The following EPS8L1 variants were observed in gnomAD, a reference collection of about 807,000 sequenced individuals.
EPS8L1 encodes EPS8 signaling adaptor L1, also known as epidermal growth factor receptor kinase substrate 8-like protein 1.
Under a neutral mutation model 91.7 loss-of-function variants are expected in EPS8L1, and 101 were observed. The observed-to-expected ratio is 1.10, with a 90% confidence interval of 0.94 to 1.30. The LOEUF (loss-of-function observed/expected upper bound fraction) is 1.30, where lower values mean the gene tolerates loss of function less well. EPS8L1 is among the 50% of genes most tolerant of loss of function. EPS8L1 has a pLI of 0.00. For synonymous variants in EPS8L1, 506 were observed against 445.3 expected (o/e 1.14, Z -1.72); for missense variants, 1,114 against 1,017.0 (o/e 1.10, Z -1.30).
At chr19:55,086,635 G>GCCCCC in intron 17 of EPS8L1, 79 bp from the exon 18 acceptor site, 19 of 1,307,686 alleles carry the variant, frequency 1.5e-5, no homozygotes, top group East Asian at 2.5e-5. Context: ...ACGCTGGAGC[G>GCCCCC]CCCCCCCGCC....
Position 55,087,602 on chromosome 19 carries a change from G to T in EPS8L1, c.2160G>T (p.Met720Ile). ...QKKKVEGEVE[M>I]EVI is the part of the protein sequence containing the mutation. ...AGAAGGTGGAAGGCGAGGTGGAAATGGAGGTCATTTGACCTGCCAGGCGCC... is the reference window on the plus strand; with the variant it reads ...AGAAGGTGGAAGGCGAGGTGGAAATTGAGGTCATTTGACCTGCCAGGCGCC... Residue 720 changes from methionine (M) to isoleucine (I), a missense_variant, in exon 20 of 20, where the codon ATG becomes ATT. Coordinates refer to ENST00000201647, the MANE Select transcript of EPS8L1 (RefSeq NM_133180.3). The T allele has an allele frequency of 6.2e-7, 1 of 1,614,214 alleles. No individual in the cohort carries two copies. The highest frequency in any genetic ancestry group is 8.5e-7 in the Non-Finnish European group (1 of 1,180,040).
At chr19:55,087,149 T>A in intron 18 of EPS8L1, 154 bp from the exon 19 acceptor site, 1 of 1,234,080 alleles carries the variant, frequency 8.1e-7, no homozygotes, top group Non-Finnish European at 1.1e-6. Flanking sequence ...GGCAACATTG[T>A]GATTGGTGGG....
chr19:55,076,570 C>T, intron 2 of EPS8L1, 109 bp downstream of exon 2: 3 of 1,330,294 alleles, frequency 2.3e-6, no homozygotes, highest in South Asian at 2.7e-5. Flanking sequence ...GCGGCCCAGA[C>T]TCTGGCCCAA....
In EPS8L1 at chr19:55,086,436, T is replaced by A; in HGVS notation, c.1695T>A (p.Pro565=). 1 of 1,555,558 alleles carries A rather than the reference T, an allele frequency of 6.4e-7. No individual in the cohort carries two copies. The highest frequency in any genetic ancestry group is 8.7e-7 in the Non-Finnish European group (1 of 1,148,798). Reference sequence around the variant, plus strand: ...CACCAGCCCCAGCCCCGGCCCCACCTCCAGCTCTGGCTCGGCCCCGCTGGG... The same window carrying A: ...CACCAGCCCCAGCCCCGGCCCCACCACCAGCTCTGGCTCGGCCCCGCTGGG... ...PPPPAPAPAP[P]PALARPRWDR... is the part of the protein sequence containing the mutation. The change falls in exon 17 of 20, where the codon CCT becomes CCA. Residue 565 remains proline, a synonymous_variant. Coordinates refer to ENST00000201647, the MANE Select transcript of EPS8L1 (RefSeq NM_133180.3).
In EPS8L1 at chr19:55,080,777, G is replaced by A; in HGVS notation, c.435G>A (p.Glu145=). ...CCTGACGGTGTGATTGGCAGGCGGA[G>A]CTGATCCGAGAGGACATCCAGGGGG... ...HFFQGLRLGA[E]LIREDIQGAL... is the part of the protein sequence containing the mutation. The change falls in exon 7 of 20, where the codon GAG becomes GAA. Residue 145 remains glutamate, a synonymous_variant. Coordinates refer to ENST00000201647, the MANE Select transcript of EPS8L1 (RefSeq NM_133180.3). 6.2e-7 allele frequency: 1 copy of A among 1,607,780 alleles called. No individual in the cohort carries two copies. The highest frequency in any genetic ancestry group is 1.7e-4 in the Middle Eastern group (1 of 6,038).
At chr19:55,077,968 T>C (rs2076164871) in intron 2 of EPS8L1, 120 bp from the exon 3 acceptor site, 3 of 449,954 alleles carry the variant, frequency 6.7e-6, no homozygotes, top group Non-Finnish European at 1.2e-5. Flanking sequence ...ATAATAATAA[T>C]AATAACCCTT....
intron 7 of EPS8L1, 84 bp downstream of exon 7, chr19:55,080,938 A>G (rs573124118): frequency 1.5e-6 from 2 of 1,316,360 alleles, no homozygotes; most frequent in South Asian, 2.9e-5. Context: ...CCTGGAACAG[A>G]ACAAGAGTTT....
At position 55,085,944 on chromosome 19, in the gene EPS8L1, C is replaced by T. The variant is rs747894870; in HGVS notation, c.1489C>T (p.Leu497=). 1.9e-6 allele frequency: 3 copies of T among 1,613,462 alleles called. No homozygotes were observed. Among genetic ancestry groups the T allele is most frequent in the South Asian group, 2.2e-5 (2 of 91,066 alleles). Residue 497 remains leucine, a synonymous_variant, in exon 15 of 20, where the codon CTG becomes TTG. Coordinates refer to ENST00000201647, the MANE Select transcript of EPS8L1 (RefSeq NM_133180.3). ...CTTCCAGGCCCGCAACAGCAGTGAG[C>T]TGTCGGTCAAGCAGCGGGACGTACT... ...YDFQARNSSE[L]SVKQRDVLEV...
Position 55,085,973 on chromosome 19 carries a change from G to A in EPS8L1, c.1518G>A (p.Glu506=). The stretch of plus-strand genomic sequence containing the variant: ...CGGTCAAGCAGCGGGACGTACTGGA[G>A]GTTAGAGGAGCGGGAGGCTGAGGGG... ...ELSVKQRDVL[E]VLDDSRKWWK... The change falls in exon 15 of 20, where the codon GAG becomes GAA. Residue 506 remains glutamate (E), a splice_region_variant and synonymous_variant. Coordinates refer to ENST00000201647, the MANE Select transcript of EPS8L1 (RefSeq NM_133180.3). The A allele has an allele frequency of 1.2e-6, 2 of 1,611,420 alleles. No individual in the cohort carries two copies. The highest frequency in any genetic ancestry group is 1.7e-6 in the Non-Finnish European group (2 of 1,177,702).
chr19:55,079,591 T>C, intron 4 of EPS8L1, 99 bp from the exon 5 acceptor site: 1 of 1,378,424 alleles, frequency 7.3e-7, no homozygotes. Flanking sequence ...CTGGAGGAGG[T>C]GTGGTTAGTC....
intron 2 of EPS8L1, 55 bp from the exon 3 acceptor site, chr19:55,078,033 C>A (rs2076166667): frequency 6.3e-7 from 1 of 1,586,618 alleles, no homozygotes; most frequent in South Asian, 1.1e-5. Flanking sequence ...CTTGGCATTT[C>A]CACAGGATCT....
Position 55,082,258 on chromosome 19 carries a change from C to T in EPS8L1, c.991-17C>T. 2 of 1,608,790 alleles carry T rather than the reference C, an allele frequency of 1.2e-6. No homozygotes were observed. The highest frequency in any genetic ancestry group is 1.7e-6 in the Non-Finnish European group (2 of 1,177,956). On this transcript the variant is annotated splice_polypyrimidine_tract_variant and intron_variant, in intron 10 of 19. Coordinates refer to ENST00000201647, the MANE Select transcript of EPS8L1 (RefSeq NM_133180.3). ...GTCCCCGCACCCACGCCAACCACCT[C>T]CCTCCCCACGCCCCAGGCCCGGCTG...
chr19:55,086,962 G>A (rs749810675), intron 18 of EPS8L1, 74 bp downstream of exon 18: 3 of 1,397,348 alleles, frequency 2.1e-6, no homozygotes, highest in Non-Finnish European at 2.8e-6. Context: ...TCGGCCGGGA[G>A]TCGGGGGGCG....
intron 6 of EPS8L1, 43 bp from the exon 7 acceptor site, chr19:55,080,729 G>A: frequency 6.3e-7 from 1 of 1,598,934 alleles, no homozygotes; most frequent in South Asian, 1.1e-5. Context: ...GGTAGGAAGT[G>A]GGTGCGGCGT....
At chr19:55,076,543 A>C in intron 2 of EPS8L1, 82 bp downstream of exon 2, 1 of 1,513,476 alleles carries the variant, frequency 6.6e-7, no homozygotes, top group South Asian at 1.2e-5. Flanking sequence ...CGCTTGCGGC[A>C]GCCCAGACTG....
At position 55,081,302 on chromosome 19, in the gene EPS8L1, C is replaced by A; in HGVS notation, c.584C>A (p.Ser195Ter). 6.5e-7 allele frequency: 1 copy of A among 1,547,708 alleles called. No homozygotes were observed. Among genetic ancestry groups the A allele is most frequent in the Non-Finnish European group, 8.7e-7 (1 of 1,153,320 alleles). Residue 195 changes from serine to a stop codon, truncating the protein, a stop_gained, in exon 8 of 20, where the codon TCA becomes TAA. Transcript: ENST00000201647. LOFTEE classifies it high-confidence loss of function. This position sits in a 1 kb window ranked among gnomAD's most constrained non-coding sequence, Gnocchi z 4.9. ...AETPPLQRRP[S>*]VRAVISTVER... ...ACCCCGCCCCTGCAGCGCCGCCCGT[C>A]AGTCCGCGCAGTGATCAGCACCGTA...
intron 2 of EPS8L1, among the ~76,000 whole-genome samples, chr19:55,076,842 A>G (rs2076143558): frequency 1.3e-5 from 2 of 152,228 alleles, no homozygotes; most frequent in African/African-American, 4.8e-5. Flanking sequence ...AACTCATAGG[A>G]GTCGCTATTG....
intron 5 of EPS8L1, 27 bp from the exon 6 acceptor site, chr19:55,080,102 A>T (rs2076221477): frequency 6.8e-7 from 1 of 1,471,186 alleles, no homozygotes; most frequent in South Asian, 1.4e-5. Context: ...TCGGGGCCTC[A>T]GTTTACCCCG....
Position 55,083,994 on chromosome 19 carries a change from C to G in EPS8L1, c.1385+350C>G. 1.8e-6 allele frequency: 1 copy of G among 549,012 alleles called. No homozygotes were observed. Among genetic ancestry groups the G allele is most frequent in the Non-Finnish European group, 3.3e-6 (1 of 305,496 alleles). 34.0% of individuals were successfully genotyped at this position (549,012 alleles called of 1,614,324 possible). ...TTGTTTTCCCAGGGCCTGGGAAGCA[C>G]CATGCCTGGGCTCCCTAGGAGGACA... On this transcript the variant is annotated intron_variant, in intron 14 of 19. Transcript: ENST00000201647. This position sits in a 1 kb window ranked among gnomAD's most constrained non-coding sequence, Gnocchi z 4.7.
Sources: gnomAD v4.1 joint callset for allele counts (sites outside exome capture counted in the v4.1 genomes callset) on GRCh38, gnomAD v4.1.1 for gene constraint, Gnocchi (gnomAD v3.1) non-coding constraint, MANE v1.5 for transcripts, NCBI Gene and HGNC (gene_info 2026-07-23, HGNC 2026-07-21) for gene names.